EML1: variants seen among roughly 807,000 people sequenced by gnomAD.
EML1 encodes EMAP like 1.
EML1 carries 27 observed loss-of-function variants against 110.4 expected under a neutral mutation model. The observed-to-expected ratio is 0.24, with a 90% CI of 0.18 to 0.34. The LOEUF is 0.34. Among genes scored for constraint, EML1 ranks in the 10% least tolerant of loss-of-function variants. The pLI, the probability that EML1 is intolerant of heterozygous loss-of-function variation, is 1.00. For synonymous variants in EML1, 344 were observed against 385.8 expected (o/e 0.89, Z 1.27); for missense variants, 741 against 1,030.9 (o/e 0.72, Z 3.85).
intron 5 of EML1, among the ~76,000 whole-genome samples, chr14:99,891,751 G>A (rs1453041163): frequency 6.6e-6 from 1 of 152,052 alleles, no homozygotes. Context: ...AGATGCTGTT[G>A]TCTAGCATCT....
intron 17 of EML1, among the ~76,000 whole-genome samples, chr14:99,932,575 G>A (rs1241866610): frequency 6.6e-6 from 1 of 151,650 alleles, no homozygotes; most frequent in Non-Finnish European, 1.5e-5. Flanking sequence ...GGAGGCAGAG[G>A]GGCAGATGTT....
intron 1 of EML1, among the ~76,000 whole-genome samples, chr14:99,762,853 CAT>C (rs1382845766): frequency 2.0e-5 from 3 of 152,170 alleles, no homozygotes; most frequent in African/African-American, 7.2e-5. Flanking sequence ...GGAACTCACA[CAT>C]GTTACTGGTA....
intron 1 of EML1, among the ~76,000 whole-genome samples, chr14:99,831,842 G>A (rs1228552173): frequency 6.7e-6 from 1 of 149,322 alleles, no homozygotes; most frequent in Admixed American, 6.6e-5. Context: ...TTTACTGAAT[G>A]ATGGGATTTT....
chr14:99,923,335 TG>T (rs368737630), intron 17 of EML1, among the ~76,000 whole-genome samples: 25 of 152,336 alleles, frequency 1.6e-4, no homozygotes, highest in African/African-American at 6.0e-4. Context: ...ATCATGCCTT[TG>T]GGGTCGTATC....
intron 1 of EML1, among the ~76,000 whole-genome samples, chr14:99,833,396 C>G (rs181726863): frequency 2.2e-4 from 33 of 152,298 alleles, no homozygotes; most frequent in African/African-American, 6.5e-4. Flanking sequence ...GTCTTGATGA[C>G]TGTCACTTAA....
intron 1 of EML1, among the ~76,000 whole-genome samples, chr14:99,845,895 C>T (rs1012935597): frequency 6.6e-6 from 1 of 151,848 alleles, no homozygotes; most frequent in African/African-American, 2.4e-5. Flanking sequence ...ACTAAAAATA[C>T]AAAAATTAGC....
chr14:99,906,627 A>G (rs1356628629), intron 9 of EML1, among the ~76,000 whole-genome samples: 1 of 152,108 alleles, frequency 6.6e-6, no homozygotes, highest in Non-Finnish European at 1.5e-5. Context: ...CCAACCTCCT[A>G]TCTCATTCTG....
At chr14:99,814,570 G>A (rs1247161764) in intron 1 of EML1, among the ~76,000 whole-genome samples, 4 of 152,160 alleles carry the variant, frequency 2.6e-5, no homozygotes. Context: ...TGGCTGGAAA[G>A]TATTTTATTG....
chr14:99,818,464 G>C (rs942839377), intron 1 of EML1, among the ~76,000 whole-genome samples: 3 of 152,136 alleles, frequency 2.0e-5, no homozygotes, highest in African/African-American at 7.2e-5. Context: ...AAAAAATATG[G>C]AATCAGTCAA....
intron 1 of EML1, among the ~76,000 whole-genome samples, chr14:99,808,851 G>A (rs1281013325): frequency 6.6e-6 from 1 of 152,244 alleles, no homozygotes; most frequent in African/African-American, 2.4e-5. Context: ...AGTTTTTAAA[G>A]CACCTTCAGA....
At chr14:99,920,215 G>A (rs1293873462) in intron 16 of EML1, among the ~76,000 whole-genome samples, 1 of 152,194 alleles carries the variant, frequency 6.6e-6, no homozygotes, top group Non-Finnish European at 1.5e-5. Flanking sequence ...ATGGCCCAGC[G>A]AGGTGAAATT....
At chr14:99,851,075 T>A in intron 2 of EML1, 40 bp downstream of exon 2, 1 of 1,581,964 alleles carries the variant, frequency 6.3e-7, no homozygotes, top group Non-Finnish European at 8.6e-7. Flanking sequence ...GTAGAATTGG[T>A]CTCGTGGCAG....
intron 1 of EML1, among the ~76,000 whole-genome samples, chr14:99,808,981 A>G (rs183831490): frequency 1.3e-5 from 2 of 152,324 alleles, no homozygotes; most frequent in East Asian, 1.9e-4. Context: ...GCCAAGGCCA[A>G]ATAGTTCAGT....
upstream of EML1, among the ~76,000 whole-genome samples, chr14:99,768,243 G>C (rs954826218): frequency 6.6e-6 from 1 of 152,194 alleles, no homozygotes; most frequent in African/African-American, 2.4e-5. Context: ...ACAATGCCAC[G>C]TGCTAAGTGA....
chr14:99,935,654 G>A (rs1046583662), intron 17 of EML1, among the ~76,000 whole-genome samples: 8 of 151,916 alleles, frequency 5.3e-5, no homozygotes, highest in Admixed American at 1.3e-4. Context: ...GTGGTGGCAC[G>A]CACCTGTGGT....
chr14:99,931,603 C>G (rs1462121350), intron 17 of EML1, among the ~76,000 whole-genome samples: 1 of 152,134 alleles, frequency 6.6e-6, no homozygotes, highest in South Asian at 2.1e-4. Context: ...TTAGGAATCT[C>G]AGTCTCCGAG....
intron 4 of EML1, among the ~76,000 whole-genome samples, chr14:99,884,919 C>T (rs1010330987): frequency 6.6e-6 from 1 of 152,144 alleles, no homozygotes; most frequent in Non-Finnish European, 1.5e-5. Flanking sequence ...ACTCAGGATC[C>T]CCTTTTTCTG....
intron 1 of EML1, among the ~76,000 whole-genome samples, chr14:99,764,348 C>T (rs948250213): frequency 6.6e-6 from 1 of 152,230 alleles, no homozygotes; most frequent in African/African-American, 2.4e-5. Context: ...GCGATTTGCC[C>T]AAGGTCACGC....
At chr14:99,792,599 A>G (rs1041163301), upstream of EML1, 3 of 152,146 alleles carry the variant, frequency 2.0e-5, no homozygotes, top group African/African-American at 7.2e-5. Context: ...ATAAATACTG[A>G]TTTCCTTAGT....
Sources: gnomAD v4.1 joint callset for allele counts (sites outside exome capture counted in the v4.1 genomes callset) on GRCh38, gnomAD v4.1.1 for gene constraint, MANE v1.5 for transcripts, NCBI Gene and HGNC (gene_info 2026-07-23, HGNC 2026-07-21) for gene names.